Variants in CDK6 observed in about 807,000 individuals in gnomAD.
CDK6 encodes cyclin-dependent kinase 6.
A neutral mutation model predicts 37.1 loss-of-function variants in CDK6; 6 were observed. The ratio of observed to expected loss-of-function variants is 0.16; its 90% CI spans 0.09 to 0.32. The LOEUF is 0.32. Ranked by LOEUF, CDK6 falls within the 10% of genes least tolerant of loss-of-function variation. The pLI, the probability that CDK6 is intolerant of heterozygous loss-of-function variation, is 1.00. For missense variants in CDK6, 224 were observed against 418.9 expected, an observed-to-expected ratio of 0.53 and a Z score of 4.06; for synonymous variants, 160 against 161.3, an observed-to-expected ratio of 0.99 and a Z score of 0.06.
chr7:92,810,495 A>G (rs145920848), intron 2 of CDK6, among the ~76,000 whole-genome samples: 117 of 152,316 alleles, frequency 7.7e-4, no homozygotes, highest in African/African-American at 2.6e-3. Context: ...ATCCTCCCCC[A>G]GTCTCCCTCA....
chr7:92,626,182 G>A (rs1019314030), intron 5 of CDK6, among the ~76,000 whole-genome samples: 1 of 151,770 alleles, frequency 6.6e-6, no homozygotes, highest in Non-Finnish European at 1.5e-5. Context: ...AAGTACATGC[G>A]GCTGTAATTG....
rs1360246540 is a variant in CDK6 at position 92,834,276 on chromosome 7, G to A, written c.-367-586C>T. 6.6e-6 allele frequency among the ~76,000 whole-genome samples: 1 copy of A among 152,104 alleles called. No individual in the cohort carries two copies. The highest frequency in any genetic ancestry group is 1.5e-5 in the Non-Finnish European group (1 of 68,016). ...TGCGAGAAGGGGTGGTCAGACATCT[G>A]CTCAGAAATTGCTTCCTTTCTTTCT... On this transcript the variant is annotated intron_variant, in intron 1 of 7. Coordinates refer to ENST00000424848, the MANE Select transcript of CDK6 (RefSeq NM_001145306.2). The surrounding 1 kb of genome is among the most constrained non-coding windows in gnomAD (Gnocchi z 4.6).
intron 4 of CDK6, among the ~76,000 whole-genome samples, chr7:92,720,270 G>A (rs1251255573): frequency 1.3e-5 from 2 of 152,172 alleles, no homozygotes; most frequent in African/African-American, 4.8e-5. Context: ...TGTAGAATCT[G>A]AGAGTTCCAC....
In CDK6 at chr7:92,609,570, T is replaced by C. The variant is rs1000397488; in HGVS notation, c.*5570A>G. On this transcript the variant is annotated 3_prime_UTR_variant, in exon 8 of 8. Transcript: ENST00000424848. The stretch of plus-strand genomic sequence containing the variant: ...ACAAAAGTTTTGTCTACTGAATTAC[T>C]GATGTGCTACTCATTTTGCTCACCT... 8.7e-6 allele frequency: 2 copies of C among 230,134 alleles called. No individual in the cohort carries two copies. Among genetic ancestry groups the C allele is most frequent in the Non-Finnish European group, 1.7e-5 (2 of 116,238 alleles). 14.3% of individuals were successfully genotyped at this position (230,134 alleles called of 1,614,324 possible).
chr7:92,828,164 TATC>T (rs1417586004), intron 2 of CDK6, among the ~76,000 whole-genome samples: 5 of 152,054 alleles, frequency 3.3e-5, no homozygotes, highest in African/African-American at 9.7e-5. Context: ...TAATTTAAAT[TATC>T]ATAATTATAG....
At chr7:92,828,625 CATAG>C (rs1244281516) in intron 2 of CDK6, among the ~76,000 whole-genome samples, 2 of 152,090 alleles carry the variant, frequency 1.3e-5, no homozygotes, top group East Asian at 1.9e-4. Flanking sequence ...AACCTATTTG[CATAG>C]ATATTCATTT....
chr7:92,705,857 G>T (rs1363301196), intron 4 of CDK6, among the ~76,000 whole-genome samples: 1 of 152,234 alleles, frequency 6.6e-6, no homozygotes, highest in African/African-American at 2.4e-5. Context: ...CAGAATTGCA[G>T]GTTGAATGTG....
chr7:92,810,410 C>T (rs187848133), intron 2 of CDK6, among the ~76,000 whole-genome samples: 47 of 152,338 alleles, frequency 3.1e-4, no homozygotes, highest in Admixed American at 2.3e-3. Flanking sequence ...CTAGTCCTGA[C>T]TCTGCCAGCA....
chr7:92,809,673 G>A (rs1800821127), intron 2 of CDK6, among the ~76,000 whole-genome samples: 3 of 152,196 alleles, frequency 2.0e-5, no homozygotes, highest in African/African-American at 2.4e-5. Flanking sequence ...TCCTTAGATT[G>A]TGACCATCTT....
At chr7:92,808,801 T>A (rs1239685122) in intron 2 of CDK6, among the ~76,000 whole-genome samples, 1 of 152,214 alleles carries the variant, frequency 6.6e-6, no homozygotes, top group South Asian at 2.1e-4. Flanking sequence ...GAATGAAAGA[T>A]ATTCAAAGGA....
At chr7:92,738,441 A>G (rs1798838463) in intron 3 of CDK6, among the ~76,000 whole-genome samples, 1 of 152,130 alleles carries the variant, frequency 6.6e-6, no homozygotes, top group Non-Finnish European at 1.5e-5. Context: ...GGAGTTTGAG[A>G]CTAGCCTGAC....
At chr7:92,795,941 T>G (rs987642467) in intron 2 of CDK6, among the ~76,000 whole-genome samples, 1 of 152,108 alleles carries the variant, frequency 6.6e-6, no homozygotes, top group African/African-American at 2.4e-5. Context: ...TAAAGCCACC[T>G]TCTTGTCCTA....
chr7:92,812,258 T>C (rs1584112412), intron 2 of CDK6, among the ~76,000 whole-genome samples: 2 of 152,310 alleles, frequency 1.3e-5, no homozygotes, highest in Middle Eastern at 6.8e-3. Context: ...GGAAGCATAA[T>C]GGGGTTAAGA....
At chr7:92,712,455 A>G (rs963572552) in intron 4 of CDK6, among the ~76,000 whole-genome samples, 3 of 152,202 alleles carry the variant, frequency 2.0e-5, no homozygotes, top group African/African-American at 2.4e-5. Context: ...AAAAAATTTG[A>G]TGCCTTTAAA....
intron 7 of CDK6, 111 bp downstream of exon 7, chr7:92,617,961 T>C (rs1795717521): frequency 3.9e-6 from 4 of 1,021,904 alleles, no homozygotes; most frequent in Non-Finnish European, 4.2e-6. Context: ...GGCTGTGGCA[T>C]GTGATGCCTA....
At chr7:92,634,162 C>T (rs371068445) in intron 5 of CDK6, among the ~76,000 whole-genome samples, 1 of 152,038 alleles carries the variant, frequency 6.6e-6, no homozygotes, top group Non-Finnish European at 1.5e-5. Flanking sequence ...TTTATGGCTT[C>T]ACTTTTAATA....
chr7:92,764,313 A>AT (rs1439826721), intron 3 of CDK6, among the ~76,000 whole-genome samples: 1 of 151,882 alleles, frequency 6.6e-6, no homozygotes, highest in Middle Eastern at 3.4e-3. Context: ...TAATTTTTGT[A>AT]TTTTTTGTCA....
chr7:92,708,641 G>T (rs1241980105), intron 4 of CDK6, among the ~76,000 whole-genome samples: 1 of 152,036 alleles, frequency 6.6e-6, no homozygotes, highest in East Asian at 1.9e-4. Flanking sequence ...CTGATAAAAA[G>T]AAATATATTT....
chr7:92,772,951 T>A (rs541143571), intron 3 of CDK6, among the ~76,000 whole-genome samples: 9 of 152,020 alleles, frequency 5.9e-5, no homozygotes, highest in Admixed American at 5.9e-4. Flanking sequence ...TCTGTTTTTT[T>A]AAAAAAAAGA....
Sources: allele counts gnomAD v4.1 joint callset (sites outside exome capture counted in the v4.1 genomes callset), GRCh38; gene constraint gnomAD v4.1.1; non-coding constraint Gnocchi (gnomAD v3.1); transcripts MANE v1.5; gene names NCBI Gene and HGNC (gene_info 2026-07-23, HGNC 2026-07-21).